NRXN3: variants seen among roughly 807,000 people sequenced by gnomAD.
The protein encoded by NRXN3 is neurexin III.
NRXN3 carries 32 observed loss-of-function variants against 137.6 expected under a neutral mutation model. The observed-to-expected ratio is 0.23, with a 90% CI of 0.18 to 0.31. The LOEUF (loss-of-function observed/expected upper bound fraction) is 0.31, where lower values mean the gene tolerates loss of function less well. NRXN3 is among the 10% of genes least tolerant of loss of function. NRXN3 has a pLI of 1.00. For synonymous variants in NRXN3, 798 were observed against 784.5 expected, an observed-to-expected ratio of 1.02 and a Z score of -0.29; for missense variants, 1,574 against 2,062.5, an observed-to-expected ratio of 0.76 and a Z score of 4.59.
intron 3 of NRXN3, among the ~76,000 whole-genome samples, chr14:78,295,326 GC>G (rs1260435260): frequency 6.6e-6 from 1 of 151,978 alleles, no homozygotes; most frequent in Non-Finnish European, 1.5e-5. Context: ...TCGTTTTCTG[GC>G]CTAGTATTTC....
chr14:78,874,657 A>G (rs2099109514), intron 10 of NRXN3, among the ~76,000 whole-genome samples: 1 of 152,110 alleles, frequency 6.6e-6, no homozygotes. Flanking sequence ...CCAAGACAAC[A>G]TCCTCGTTTT....
intron 4 of NRXN3, among the ~76,000 whole-genome samples, chr14:78,518,576 T>A (rs912852664): frequency 6.6e-6 from 1 of 152,128 alleles, no homozygotes; most frequent in African/African-American, 2.4e-5. Context: ...GAAACAGGGT[T>A]TGATTTAAGC....
intron 8 of NRXN3, among the ~76,000 whole-genome samples, chr14:78,762,108 T>A (rs2098694284): frequency 6.6e-6 from 1 of 152,188 alleles, no homozygotes; most frequent in African/African-American, 2.4e-5. Context: ...CTCTTTATTA[T>A]TAAACTATTG....
intron 7 of NRXN3, among the ~76,000 whole-genome samples, chr14:78,711,445 T>TTTTC (rs2098407290): frequency 6.8e-6 from 1 of 146,622 alleles, no homozygotes; most frequent in African/African-American, 2.6e-5. Context: ...TTTTTTTTTT[T>TTTTC]TTTTTTTTTT....
At chr14:78,904,068 G>T (rs979982748) in intron 10 of NRXN3, among the ~76,000 whole-genome samples, 4 of 152,050 alleles carry the variant, frequency 2.6e-5, no homozygotes, top group Non-Finnish European at 4.4e-5. Flanking sequence ...TCTATTTGCA[G>T]ATGAAACTGT....
chr14:79,162,083 A>AGGACATGAACAGACAC (rs2060827921), intron 15 of NRXN3, among the ~76,000 whole-genome samples: 1 of 145,368 alleles, frequency 6.9e-6, no homozygotes, highest in Non-Finnish European at 1.5e-5. Context: ...ACCTGAGGCA[A>AGGACATGAACAGACAC]TTAGTTTACT....
intron 15 of NRXN3, among the ~76,000 whole-genome samples, chr14:79,224,218 G>A (rs1327736811): frequency 6.6e-6 from 1 of 152,086 alleles, no homozygotes; most frequent in Non-Finnish European, 1.5e-5. Context: ...CTAGAAGTCA[G>A]GATGTCTTTA....
At chr14:78,392,690 A>G (rs1456393037) in intron 4 of NRXN3, among the ~76,000 whole-genome samples, 2 of 152,144 alleles carry the variant, frequency 1.3e-5, no homozygotes, top group Non-Finnish European at 2.9e-5. Flanking sequence ...TAAAATGGTC[A>G]ATAAATGTTG....
intron 15 of NRXN3, among the ~76,000 whole-genome samples, chr14:79,169,527 T>C (rs927829428): frequency 9.2e-5 from 14 of 152,116 alleles, no homozygotes; most frequent in Admixed American, 6.6e-4. Flanking sequence ...TCAGAGTTGA[T>C]AATACTTACC....
intron 8 of NRXN3, among the ~76,000 whole-genome samples, chr14:78,772,117 C>T (rs1201844887): frequency 6.6e-6 from 1 of 152,126 alleles, no homozygotes; most frequent in Non-Finnish European, 1.5e-5. Flanking sequence ...GGCATCATGT[C>T]AGTGCTCAAA....
In NRXN3 at chr14:79,557,485, C is replaced by A. The variant is rs116645589; in HGVS notation, c.3444+90083C>A. ...TTTGGAGATGTTGTGGATTCTGCTT[C>A]ATACCACCACAATAACGTGATTATT... On this transcript the variant is annotated intron_variant, in intron 16 of 20. Coordinates refer to ENST00000335750, the MANE Select transcript of NRXN3 (RefSeq NM_001330195.2). 4.1e-3 allele frequency among the ~76,000 whole-genome samples: 624 copies of A among 152,252 alleles called. 8 individuals carry two copies. The highest frequency in any genetic ancestry group is 0.014 in the African/African-American group (587 of 41,556).
intron 2 of NRXN3, among the ~76,000 whole-genome samples, chr14:78,261,725 G>C (rs1252374037): frequency 1.3e-5 from 2 of 152,110 alleles, no homozygotes; most frequent in African/African-American, 4.8e-5. Flanking sequence ...AACTGACTTA[G>C]GGAGGCAAGG....
chr14:79,308,705 C>A (rs969625606), intron 15 of NRXN3, among the ~76,000 whole-genome samples: 2 of 151,876 alleles, frequency 1.3e-5, no homozygotes, highest in African/African-American at 4.8e-5. Flanking sequence ...AGATGAAGAA[C>A]AAAATCAAAA....
chr14:79,304,781 G>T (rs959173944), intron 15 of NRXN3, among the ~76,000 whole-genome samples: 10 of 152,016 alleles, frequency 6.6e-5, no homozygotes, highest in African/African-American at 2.4e-4. Flanking sequence ...TGTCTGCTCA[G>T]GAATTCTTGC....
intron 19 of NRXN3, among the ~76,000 whole-genome samples, chr14:79,755,532 A>ATTT (rs568489887): frequency 7.1e-6 from 1 of 140,522 alleles, no homozygotes; most frequent in African/African-American, 2.6e-5. Context: ...AATACCGAAG[A>ATTT]TTTTTTTTTT....
rs74863366 is a variant in NRXN3, at chr14:79,390,952, C to T, written c.3263-76269C>T. Among the ~76,000 whole-genome samples the T allele has an allele frequency of 7.9e-3, 1,205 of 152,240 alleles. 17 individuals carry two copies. The highest frequency in any genetic ancestry group is 0.026 in the African/African-American group (1,100 of 41,528). ...TTGTTCTAAAAGGAAGTTCAGCCCC[C>T]TCTTCCTCTCTTGCCCTTTGCCTTT... On this transcript the variant is annotated intron_variant, in intron 15 of 20. Transcript: ENST00000335750.
chr14:78,828,476 C>G (rs1486777679), intron 10 of NRXN3, among the ~76,000 whole-genome samples: 1 of 152,192 alleles, frequency 6.6e-6, no homozygotes, highest in Non-Finnish European at 1.5e-5. Context: ...ATAGCCCTGT[C>G]ACAACTACTC....
At chr14:78,759,873 T>G (rs1013927256) in intron 8 of NRXN3, among the ~76,000 whole-genome samples, 2 of 152,138 alleles carry the variant, frequency 1.3e-5, no homozygotes, top group Admixed American at 6.5e-5. Flanking sequence ...AGCTTTTGAC[T>G]ATAGCCACTG....
At chr14:78,870,241 A>G (rs1449097138) in intron 10 of NRXN3, among the ~76,000 whole-genome samples, 1 of 152,210 alleles carries the variant, frequency 6.6e-6, no homozygotes, top group African/African-American at 2.4e-5. Flanking sequence ...ATCAAGTAAA[A>G]AAGTCTTTAT....
Sources: gnomAD v4.1 joint callset for allele counts (sites outside exome capture counted in the v4.1 genomes callset) on GRCh38, gnomAD v4.1.1 for gene constraint, MANE v1.5 for transcripts, NCBI Gene and HGNC (gene_info 2026-07-23, HGNC 2026-07-21) for gene names.